Variants in NLRP9 observed in about 807,000 individuals in gnomAD.
The protein encoded by NLRP9 is NLR family pyrin domain containing 9, also known as NACHT, LRR and PYD domains-containing protein 9.
Under a neutral mutation model 83.1 loss-of-function variants are expected in NLRP9, and 88 were observed. That is an observed-to-expected ratio of 1.06 (90% CI 0.89 to 1.26). The LOEUF (loss-of-function observed/expected upper bound fraction) is 1.26. Ranked by LOEUF, NLRP9 falls within the 50% of genes most tolerant of loss-of-function variation. The pLI, the probability that NLRP9 is intolerant of heterozygous loss-of-function variation, is 0.00. For missense variants in NLRP9, 1,308 were observed against 1,179.3 expected (o/e 1.11, Z -1.60); for synonymous variants, 521 against 447.6 (o/e 1.16, Z -2.07).
At chr19:55,729,050 C>CTTTTTTTTTTTTTTTTTTTTTTTTTT (rs374589373) in intron 3 of NLRP9, among the ~76,000 whole-genome samples, 3 of 70,250 alleles carry the variant, frequency 4.3e-5, no homozygotes, top group Admixed American at 2.1e-4. Context: ...TTTTCTTTTT[C>CTTTTTTTTTTTTTTTTTTTTTTTTTT]TTTTTTTTTT....
At chr19:55,721,131 T>C (rs932789391) in intron 4 of NLRP9, among the ~76,000 whole-genome samples, 12 of 152,208 alleles carry the variant, frequency 7.9e-5, no homozygotes, top group African/African-American at 2.9e-4. Context: ...AAAGCATATT[T>C]TTAAAAACAG....
chr19:55,723,054 G>A lies in NLRP9; in HGVS notation c.2159+926C>T, dbSNP rs145935549. ...GAGATATACCTAATGTAAATGACGA[G>A]TTGATGGGTACAGCAAACCAACATG... On this transcript the variant is annotated intron_variant, in intron 4 of 8. Coordinates refer to ENST00000332836, the MANE Select transcript of NLRP9 (RefSeq NM_176820.4). Among the ~76,000 whole-genome samples the A allele has an allele frequency of 3.5e-3, 528 of 152,186 alleles. 5 individuals carry two copies. Among genetic ancestry groups the A allele is most frequent in the African/African-American group, 0.012 (517 of 41,520 alleles).
Position 55,729,877 on chromosome 19 carries a change from G to T in NLRP9, c.1948C>A (p.Leu650Ile), listed in dbSNP as rs760390498. 1 of 1,613,828 alleles carries T rather than the reference G, an allele frequency of 6.2e-7. No individual in the cohort carries two copies. Among genetic ancestry groups the T allele is most frequent in the African/African-American group, 1.3e-5 (1 of 75,044 alleles). ...ACAGGCTGAGCCAGCGCTTTGCAAAGAATCGCCAGGGAGGGATCATCGAGG... is the reference window on the plus strand; with the variant it reads ...ACAGGCTGAGCCAGCGCTTTGCAAATAATCGCCAGGGAGGGATCATCGAGG... ...TSLDDPSLAI[L>I]CKALAQPVCK... Residue 650 changes from leucine to isoleucine, a missense_variant, in exon 3 of 9, where the codon CTT becomes ATT. By Grantham distance (5) the Leu-to-Ile change is conservative (BLOSUM62 2). Transcript: ENST00000332836.
chr19:55,726,665 T>G (rs1179921052), intron 3 of NLRP9, among the ~76,000 whole-genome samples: 1 of 152,170 alleles, frequency 6.6e-6, no homozygotes, highest in Non-Finnish European at 1.5e-5. Flanking sequence ...GGAAAAAAAG[T>G]TGATAAATAG....
At chr19:55,722,852 A>T (rs938370704) in intron 4 of NLRP9, among the ~76,000 whole-genome samples, 1 of 152,200 alleles carries the variant, frequency 6.6e-6, no homozygotes, top group Admixed American at 6.5e-5. Context: ...TTGCAGGGAC[A>T]TGGATGAAAC....
At position 55,733,082 on chromosome 19, in the gene NLRP9, C is replaced by T. The variant is rs766658090; in HGVS notation, c.749G>A (p.Arg250Gln). ...GCTCAGGATAATTGGCATTGGCTGC[C>T]GCTGCCTCCAATCATCGCTCAAGTC... is the stretch of plus-strand genomic sequence containing the variant. ...KADLSDDWRQ[R>Q]QPMPIILSSL... The change falls in exon 2 of 9, where the codon CGG becomes CAG. Residue 250 changes from arginine (R) to glutamine (Q), a missense_variant. By Grantham distance (43) the Arg-to-Gln change is conservative (BLOSUM62 1). Coordinates refer to ENST00000332836, the MANE Select transcript of NLRP9 (RefSeq NM_176820.4). 9 of 1,613,748 alleles carry T rather than the reference C, an allele frequency of 5.6e-6. No homozygotes were observed. The highest frequency in any genetic ancestry group is 2.2e-5 in the East Asian group (1 of 44,896).
At chr19:55,730,615 G>C (rs187152842) in intron 2 of NLRP9, among the ~76,000 whole-genome samples, 1 of 152,254 alleles carries the variant, frequency 6.6e-6, no homozygotes, top group East Asian at 1.9e-4. Flanking sequence ...CAAGGACATG[G>C]ATGGAGCGGG....
chr19:55,730,285 C>T (rs1988535179), intron 2 of NLRP9, among the ~76,000 whole-genome samples: 1 of 152,084 alleles, frequency 6.6e-6, no homozygotes, highest in African/African-American at 2.4e-5. Flanking sequence ...AAGACTCCAT[C>T]TCTATTAAAA....
At position 55,738,123 on chromosome 19, in the gene NLRP9, G is replaced by C. The variant is rs1342044233; in HGVS notation, c.252C>G (p.Leu84=). The C allele has an allele frequency of 6.2e-7, 1 of 1,614,104 alleles. No individual in the cohort carries two copies. The highest frequency in any genetic ancestry group is 1.3e-5 in the African/African-American group (1 of 75,008). Residue 84 remains leucine, a synonymous_variant, in exon 1 of 9, where the codon CTC becomes CTG. Transcript: ENST00000332836. ...TCATCTCTTCCTGAGCCTTTGTCCA[G>C]AGATCTTTCCTATTGATCTGTAGAA... ...NLFLQINRKD[L]WTKAQEEMRN... is the part of the protein sequence containing the mutation.
At chr19:55,709,446 A>G (rs1295896319) in intron 8 of NLRP9, 2 of 152,714 alleles carry the variant, frequency 1.3e-5, no homozygotes, top group South Asian at 2.1e-4. Flanking sequence ...CCCATCACCA[A>G]CTTCTACAAT....
intron 2 of NLRP9, among the ~76,000 whole-genome samples, chr19:55,731,612 T>G (rs1203937797): frequency 2.0e-5 from 3 of 151,356 alleles, no homozygotes; most frequent in African/African-American, 7.3e-5. Context: ...TAATCCCAGC[T>G]ACCTGGGAAG....
At chr19:55,721,040 A>T (rs563982283) in intron 4 of NLRP9, among the ~76,000 whole-genome samples, 1 of 152,264 alleles carries the variant, frequency 6.6e-6, no homozygotes, top group African/African-American at 2.4e-5. Flanking sequence ...AGTGGAACAC[A>T]TTCATTTCAT....
chr19:55,722,639 G>C (rs1480200213), intron 4 of NLRP9, among the ~76,000 whole-genome samples: 1 of 152,118 alleles, frequency 6.6e-6, no homozygotes, highest in Non-Finnish European at 1.5e-5. Context: ...GACTTCCTTT[G>C]TTCTCTTTGG....
intron 1 of NLRP9, among the ~76,000 whole-genome samples, chr19:55,734,035 G>T (rs1450182681): frequency 8.1e-5 from 12 of 148,180 alleles, no homozygotes. Context: ...CCATTCTCCT[G>T]CCGCAGCCTC....
At chr19:55,729,050 CTTTTTTTTT>C (rs374589373) in intron 3 of NLRP9, among the ~76,000 whole-genome samples, 1 of 70,202 alleles carries the variant, frequency 1.4e-5, no homozygotes, top group African/African-American at 5.4e-5. Flanking sequence ...TTTTCTTTTT[CTTTTTTTTT>C]TTTTTTTTTT....
chr19:55,708,707 C>A lies in NLRP9; in HGVS notation c.*205G>T. On this transcript the variant is annotated 3_prime_UTR_variant, in exon 9 of 9. Transcript: ENST00000332836. ...CAAGGCAGGATGGGATTTCTAAAGA[C>A]AAGGGGATATAGGACCGAGGCAAAG... 2.4e-6 allele frequency: 1 copy of A among 408,992 alleles called. No homozygotes were observed. Among genetic ancestry groups the A allele is most frequent in the Admixed American group, 4.2e-5 (1 of 23,748 alleles). The allele number at this position is 408,992 out of a possible 1,614,324, so 25.3% of individuals were successfully genotyped here.
At chr19:55,723,844 GAGAC>G in intron 4 of NLRP9, 132 bp downstream of exon 4, 1 of 664,118 alleles carries the variant, frequency 1.5e-6, no homozygotes, top group Non-Finnish European at 2.5e-6. Context: ...CCTTATGAGA[GAGAC>G]AGATTCAAAA....
intron 3 of NLRP9, 29 bp from the exon 4 acceptor site, chr19:55,724,173 C>G (rs763004949): frequency 2.0e-6 from 3 of 1,523,206 alleles, no homozygotes; most frequent in Non-Finnish European, 1.8e-6. Flanking sequence ...AAAATAGCAT[C>G]ATGCAATGAG....
At position 55,733,079 on chromosome 19, in the gene NLRP9, T is replaced by A. The variant is rs773074661; in HGVS notation, c.752A>T (p.Gln251Leu). Residue 251 changes from glutamine (Q) to leucine (L), a missense_variant, in exon 2 of 9, where the codon CAG (glutamine) becomes CTG (leucine). Gln to Leu is a moderately radical substitution (Grantham distance 113). Coordinates refer to ENST00000332836, the MANE Select transcript of NLRP9 (RefSeq NM_176820.4). ...ACTGCTCAGGATAATTGGCATTGGC[T>A]GCCGCTGCCTCCAATCATCGCTCAA... ...ADLSDDWRQR[Q>L]PMPIILSSLL... 1 of 1,613,996 alleles carries A rather than the reference T, an allele frequency of 6.2e-7. No homozygotes were observed. Among genetic ancestry groups the A allele is most frequent in the Non-Finnish European group, 8.5e-7 (1 of 1,179,902 alleles).
Sources: allele counts gnomAD v4.1 joint callset (sites outside exome capture counted in the v4.1 genomes callset), GRCh38; gene constraint gnomAD v4.1.1; transcripts MANE v1.5; gene names NCBI Gene and HGNC (gene_info 2026-07-23, HGNC 2026-07-21).